GPC6: variants seen among roughly 807,000 people sequenced by gnomAD.
GPC6 encodes glypican-6.
A neutral mutation model predicts 55.2 loss-of-function variants in GPC6; 14 were observed. The observed-to-expected ratio is 0.25, with a 90% CI of 0.17 to 0.40. The LOEUF is 0.40. Ranked by LOEUF, GPC6 falls within the 10% of genes least tolerant of loss-of-function variation. GPC6 has a pLI of 1.00. For missense variants in GPC6, 641 were observed against 708.5 expected (o/e 0.90, Z 1.08); for synonymous variants, 278 against 259.6 (o/e 1.07, Z -0.68).
Position 93,708,101 on chromosome 13 carries a change from G to A in GPC6, c.320-122053G>A, listed in dbSNP as rs192593235. Among the ~76,000 whole-genome samples the A allele has an allele frequency of 1.6e-4, 24 of 151,578 alleles. No individual in the cohort carries two copies. The East Asian group carries it at 3.3e-3, about 21-fold the overall frequency. The stretch of plus-strand genomic sequence containing the variant: ...ACAATAATGATATCACTCATTTAGC[G>A]GAAAACATTATAAATATTTTGAATA... On this transcript the variant is annotated intron_variant, in intron 2 of 8. Coordinates refer to ENST00000377047, the MANE Select transcript of GPC6 (RefSeq NM_005708.5).
intron 4 of GPC6, among the ~76,000 whole-genome samples, chr13:94,240,184 C>G (rs1594088650): frequency 6.6e-6 from 1 of 152,200 alleles, no homozygotes; most frequent in South Asian, 2.1e-4. Flanking sequence ...ACCCAGCTAG[C>G]AGAAACTGGG....
intron 2 of GPC6, among the ~76,000 whole-genome samples, chr13:93,552,266 G>A (rs997422758): frequency 1.3e-5 from 2 of 152,112 alleles, no homozygotes; most frequent in East Asian, 1.9e-4. Flanking sequence ...AATAAAAATC[G>A]TCCAATTAGA....
intron 2 of GPC6, among the ~76,000 whole-genome samples, chr13:93,814,123 T>A (rs1886777512): frequency 1.3e-5 from 2 of 152,142 alleles, no homozygotes; most frequent in Admixed American, 6.6e-5. Flanking sequence ...GAGAAGATAG[T>A]GGACAGGAGA....
chr13:93,320,031 C>G (rs957336022), intron 1 of GPC6, among the ~76,000 whole-genome samples: 1 of 151,960 alleles, frequency 6.6e-6, no homozygotes, highest in Non-Finnish European at 1.5e-5. Context: ...TATCTTTGAT[C>G]ATATGAAAAT....
chr13:94,321,193 G>T (rs898597220), intron 6 of GPC6, among the ~76,000 whole-genome samples: 7 of 152,094 alleles, frequency 4.6e-5, no homozygotes, highest in African/African-American at 1.7e-4. Flanking sequence ...CCTGTGTTAG[G>T]ATAGGAACAG....
At chr13:94,202,873 G>C (rs1211879455) in intron 4 of GPC6, among the ~76,000 whole-genome samples, 1 of 151,950 alleles carries the variant, frequency 6.6e-6, no homozygotes, top group Non-Finnish European at 1.5e-5. Context: ...CCCTTCGAAG[G>C]CCCTAAGAAC....
intron 2 of GPC6, among the ~76,000 whole-genome samples, chr13:93,625,351 A>G (rs1267458275): frequency 6.6e-6 from 1 of 152,186 alleles, no homozygotes; most frequent in Non-Finnish European, 1.5e-5. Flanking sequence ...AAAAGAAAGT[A>G]ATTAAACTGT....
intron 3 of GPC6, among the ~76,000 whole-genome samples, chr13:93,944,370 AT>A (rs748413292): frequency 6.6e-6 from 1 of 151,550 alleles, no homozygotes; most frequent in Non-Finnish European, 1.5e-5. Flanking sequence ...TGCCTAGCTA[AT>A]TTTTTTGTAT....
chr13:93,915,561 T>C (rs560056267), intron 3 of GPC6, among the ~76,000 whole-genome samples: 9 of 152,350 alleles, frequency 5.9e-5, no homozygotes, highest in African/African-American at 1.9e-4. Context: ...TATTTATGCT[T>C]ACATAGTGGC....
At chr13:93,527,013 A>G (rs1363192856) in intron 1 of GPC6, among the ~76,000 whole-genome samples, 1 of 151,964 alleles carries the variant, frequency 6.6e-6, no homozygotes, top group Non-Finnish European at 1.5e-5. Context: ...TGCCCTAAGC[A>G]TTGTGTTTTT....
intron 1 of GPC6, among the ~76,000 whole-genome samples, chr13:93,253,079 A>C (rs1033202485): frequency 6.6e-6 from 1 of 152,224 alleles, no homozygotes; most frequent in African/African-American, 2.4e-5. Context: ...GTATATGTCT[A>C]TCAAAATGTT....
At chr13:93,598,283 G>A (rs1877856760) in intron 2 of GPC6, among the ~76,000 whole-genome samples, 1 of 152,182 alleles carries the variant, frequency 6.6e-6, no homozygotes, top group African/African-American at 2.4e-5. Flanking sequence ...GTCCAGGCTT[G>A]TTTCTGTGCA....
At chr13:93,415,376 A>G (rs1392941561) in intron 1 of GPC6, among the ~76,000 whole-genome samples, 3 of 152,134 alleles carry the variant, frequency 2.0e-5, no homozygotes, top group Non-Finnish European at 4.4e-5. Flanking sequence ...AGACCTTTCC[A>G]TATTTATCCA....
chr13:94,384,955 C>T (rs1361646144), intron 7 of GPC6, among the ~76,000 whole-genome samples: 1 of 152,142 alleles, frequency 6.6e-6, no homozygotes, highest in Non-Finnish European at 1.5e-5. Flanking sequence ...GTGTCCCAGG[C>T]TCTGTGCAAG....
intron 4 of GPC6, among the ~76,000 whole-genome samples, chr13:94,178,188 G>A (rs9584199): frequency 0.11 from 17,109 of 151,800 alleles, 1,049 homozygotes; most frequent in African/African-American, 0.16. Flanking sequence ...TTGTAGAAAT[G>A]GGGTTTCACT....
intron 3 of GPC6, among the ~76,000 whole-genome samples, chr13:93,924,691 CT>C (rs1566605974): frequency 2.5e-5 from 3 of 119,090 alleles, no homozygotes; most frequent in Non-Finnish European, 3.4e-5. Flanking sequence ...TTTTTTCTTT[CT>C]TTTCTTTTTT....
At chr13:93,938,456 C>A (rs896706562) in intron 3 of GPC6, among the ~76,000 whole-genome samples, 2 of 152,068 alleles carry the variant, frequency 1.3e-5, no homozygotes, top group Non-Finnish European at 2.9e-5. Context: ...AGAGACCCTA[C>A]CATGTTATTC....
intron 1 of GPC6, among the ~76,000 whole-genome samples, chr13:93,352,453 T>G (rs754652394): frequency 1.3e-5 from 2 of 152,220 alleles, no homozygotes; most frequent in African/African-American, 2.4e-5. Flanking sequence ...TGAAATTCTA[T>G]TTAGCTTGGT....
intron 2 of GPC6, among the ~76,000 whole-genome samples, chr13:93,554,572 T>C (rs566626857): frequency 2.0e-5 from 3 of 152,366 alleles, no homozygotes; most frequent in African/African-American, 7.2e-5. Flanking sequence ...AATGACAGTG[T>C]AAAGTGTTTA....
Sources: gnomAD v4.1 joint callset for allele counts (sites outside exome capture counted in the v4.1 genomes callset) on GRCh38, gnomAD v4.1.1 for gene constraint, MANE v1.5 for transcripts, NCBI Gene and HGNC (gene_info 2026-07-23, HGNC 2026-07-21) for gene names.